FGD4: variants seen among roughly 807,000 people sequenced by gnomAD.
FGD4 encodes FYVE, RhoGEF and PH domain containing 4, also known as FYVE, RhoGEF and PH domain-containing protein 4.
FGD4 carries 42 observed loss-of-function variants against 102.0 expected under a neutral mutation model. The ratio of observed to expected loss-of-function variants is 0.41; its 90% CI spans 0.32 to 0.53. The LOEUF (loss-of-function observed/expected upper bound fraction) is 0.53, where lower values mean the gene tolerates loss of function less well. Among genes scored for constraint, FGD4 ranks in the 20% least tolerant of loss-of-function variants. The pLI, the probability that FGD4 is intolerant of heterozygous loss-of-function variation, is 0.21. For missense variants in FGD4, 902 were observed against 1,078.2 expected (o/e 0.84, Z 2.29); for synonymous variants, 380 against 375.7 (o/e 1.01, Z -0.13).
chr12:32,489,372 A>T (rs986137261), intron 1 of FGD4, among the ~76,000 whole-genome samples: 1 of 152,240 alleles, frequency 6.6e-6, no homozygotes, highest in Non-Finnish European at 1.5e-5. Flanking sequence ...ATAAAATGTC[A>T]TGACCCAGTT....
chr12:32,595,820 A>G (rs1013465080), intron 4 of FGD4, among the ~76,000 whole-genome samples: 1 of 152,228 alleles, frequency 6.6e-6, no homozygotes, highest in African/African-American at 2.4e-5. Flanking sequence ...TTATTTCCAT[A>G]TTTCTGAGAC....
rs765969178 is a variant in FGD4 at position 32,619,881 on chromosome 12, C to T, written c.1922+11C>T. 37 of 1,613,768 alleles carry T rather than the reference C, an allele frequency of 2.3e-5. No homozygotes were observed. Among genetic ancestry groups the T allele is most frequent in the Middle Eastern group, 1.6e-4 (1 of 6,084 alleles). ...GGAACTGCAGGCCAGGTAAGGGAACCATTTCTATCACACTGCTTTCCAAAA... is the reference window on the plus strand; with the variant it reads ...GGAACTGCAGGCCAGGTAAGGGAACTATTTCTATCACACTGCTTTCCAAAA... On this transcript the variant is annotated intron_variant, in intron 11 of 16. Transcript: ENST00000534526.
chr12:32,485,378 G>A (rs2136556639), intron 1 of FGD4, among the ~76,000 whole-genome samples: 1 of 150,392 alleles, frequency 6.6e-6, no homozygotes. Context: ...ATTGCTTGCA[G>A]TATTTCTTAC....
chr12:32,513,170 G>C (rs1269094087), intron 1 of FGD4, among the ~76,000 whole-genome samples: 1 of 152,170 alleles, frequency 6.6e-6, no homozygotes, highest in African/African-American at 2.4e-5. Flanking sequence ...GGCCAGGCCA[G>C]GCAATCAGAA....
chr12:32,585,256 A>G (rs1352809444), intron 4 of FGD4, among the ~76,000 whole-genome samples: 10 of 132,194 alleles, frequency 7.6e-5, no homozygotes, highest in East Asian at 6.8e-4. Context: ...ATATATATAT[A>G]TGTATATCTT....
chr12:32,625,806 G>GT, intron 14 of FGD4, 27 bp downstream of exon 14: 1 of 1,613,318 alleles, frequency 6.2e-7, no homozygotes, highest in African/African-American at 1.3e-5. Context: ...GATCATTAAG[G>GT]TTGCTAGTAA....
At chr12:32,514,779 C>T (rs4105685) in intron 1 of FGD4, among the ~76,000 whole-genome samples, 27,819 of 151,906 alleles carry the variant, frequency 0.18, 3,116 homozygotes, top group Middle Eastern at 0.36. Flanking sequence ...ATCAATGGCC[C>T]GAATTGCAGA....
chr12:32,414,313 G>A (rs917819919), intron 1 of FGD4, among the ~76,000 whole-genome samples: 1 of 151,940 alleles, frequency 6.6e-6, no homozygotes, highest in African/African-American at 2.4e-5. Flanking sequence ...TATTTTTGTG[G>A]GTATAGAGTT....
chr12:32,548,313 T>G (rs754134303), intron 1 of FGD4, among the ~76,000 whole-genome samples: 1 of 152,172 alleles, frequency 6.6e-6, no homozygotes, highest in Non-Finnish European at 1.5e-5. Flanking sequence ...ATCTTAGAGT[T>G]TAAACCCACA....
intron 1 of FGD4, among the ~76,000 whole-genome samples, chr12:32,460,445 C>T (rs1943072167): frequency 6.6e-6 from 1 of 150,502 alleles, no homozygotes; most frequent in African/African-American, 2.4e-5. Flanking sequence ...TACAAGGCTG[C>T]AGTGAGCTGT....
intron 4 of FGD4, among the ~76,000 whole-genome samples, chr12:32,585,609 A>C (rs917084029): frequency 6.5e-4 from 98 of 151,936 alleles, no homozygotes; most frequent in African/African-American, 2.1e-3. Flanking sequence ...GCTACGGCAG[A>C]GGATCTCTCG....
At chr12:32,628,476 A>T (rs1950304533) in intron 14 of FGD4, among the ~76,000 whole-genome samples, 1 of 152,036 alleles carries the variant, frequency 6.6e-6, no homozygotes, top group Non-Finnish European at 1.5e-5. Context: ...TGGAGGGGAA[A>T]GTGGGAGATG....
At chr12:32,530,857 T>C (rs16920000) in intron 1 of FGD4, among the ~76,000 whole-genome samples, 22,018 of 151,574 alleles carry the variant, frequency 0.15, 1,982 homozygotes, top group African/African-American at 0.26. Flanking sequence ...TCTCTACTGT[T>C]GACAATGAGG....
intron 1 of FGD4, among the ~76,000 whole-genome samples, chr12:32,434,375 G>A (rs975277776): frequency 1.3e-5 from 2 of 152,214 alleles, no homozygotes; most frequent in African/African-American, 4.8e-5. Context: ...ATTGGAGAAC[G>A]AAGACTCAGG....
At chr12:32,487,712 C>T (rs1200005566) in intron 1 of FGD4, among the ~76,000 whole-genome samples, 1 of 152,190 alleles carries the variant, frequency 6.6e-6, no homozygotes. Flanking sequence ...CAGGCGTGAG[C>T]CACCATGCCC....
chr12:32,557,257 T>G (rs576180629), intron 1 of FGD4, among the ~76,000 whole-genome samples: 1 of 152,322 alleles, frequency 6.6e-6, no homozygotes, highest in South Asian at 2.1e-4. Context: ...ATAAAAGATT[T>G]AAATGATATA....
chr12:32,620,874 G>T (rs1486673604), intron 11 of FGD4, among the ~76,000 whole-genome samples: 1 of 150,364 alleles, frequency 6.7e-6, no homozygotes, highest in East Asian at 2.0e-4. Flanking sequence ...TGTTGACCAG[G>T]CTGGTCTCGA....
chr12:32,616,572 T>G (rs1412186959), intron 10 of FGD4, among the ~76,000 whole-genome samples: 1 of 152,238 alleles, frequency 6.6e-6, no homozygotes, highest in Non-Finnish European at 1.5e-5. Flanking sequence ...CCATGGAACC[T>G]CTTGTTCTTT....
In FGD4 at chr12:32,644,872, G is replaced by A. The variant is rs1951330361; in HGVS notation, c.*4339G>A. On this transcript the variant is annotated 3_prime_UTR_variant, in exon 17 of 17. Coordinates refer to ENST00000534526, the MANE Select transcript of FGD4 (RefSeq NM_001370298.3). ...TAATTTCATTCTCAGATCATTTTCT[G>A]TACTGTTTACTGAGGCAAAAAAAAA... 1 of 144,484 alleles carries A rather than the reference G, an allele frequency of 6.9e-6. No homozygotes were observed. The highest frequency in any genetic ancestry group is 1.5e-5 in the Non-Finnish European group (1 of 66,744). The allele number at this position is 144,484 out of a possible 1,614,324, so 9.0% of individuals were successfully genotyped here.
Sources: allele counts gnomAD v4.1 joint callset (sites outside exome capture counted in the v4.1 genomes callset), GRCh38; gene constraint gnomAD v4.1.1; transcripts MANE v1.5; gene names NCBI Gene and HGNC (gene_info 2026-07-23, HGNC 2026-07-21).